The following AP3S2 variants were observed in gnomAD, a reference collection of about 807,000 sequenced individuals.
The protein encoded by AP3S2 is adaptor related protein complex 3 subunit sigma 2, also known as AP-3 complex subunit sigma-2.
Under a neutral mutation model 23.4 loss-of-function variants are expected in AP3S2, and 22 were observed. That is an observed-to-expected ratio of 0.94 (90% confidence interval 0.67 to 1.34). AP3S2 has a LOEUF of 1.34. Among genes scored for constraint, AP3S2 ranks in the 40% most tolerant of loss-of-function variants. AP3S2 has a pLI of 0.00. For missense variants in AP3S2, 241 were observed against 236.9 expected (o/e 1.02, Z -0.11); for synonymous variants, 86 against 87.1 (o/e 0.99, Z 0.07).
chr15:89,876,096 A>G (rs1057121812), intron 3 of AP3S2, among the ~76,000 whole-genome samples: 13 of 152,210 alleles, frequency 8.5e-5, no homozygotes, highest in Non-Finnish European at 2.9e-5. Context: ...AAGCAGAGAG[A>G]AGAACGATCA....
chr15:89,861,920 C>A (rs1233206409), intron 4 of AP3S2, among the ~76,000 whole-genome samples: 3 of 152,148 alleles, frequency 2.0e-5, no homozygotes, highest in Non-Finnish European at 4.4e-5. Flanking sequence ...ACTTGAATGA[C>A]AGGCAGTATT....
At chr15:89,893,646 C>T (rs888134309) in intron 1 of AP3S2, 6 of 515,908 alleles carry the variant, frequency 1.2e-5, no homozygotes, top group Non-Finnish European at 1.4e-5. Context: ...CACAAAATGG[C>T]ACAGAAATGC....
chr15:89,871,689 G>T, intron 3 of AP3S2, 143 bp from the exon 4 acceptor site: 1 of 797,268 alleles, frequency 1.3e-6, no homozygotes, highest in Non-Finnish European at 1.9e-6. Context: ...CCTACCTTTT[G>T]TCTCCAGCAT....
chr15:89,854,471 A>G (rs1596197073), intron 4 of AP3S2, among the ~76,000 whole-genome samples: 1 of 40,892 alleles, frequency 2.4e-5, no homozygotes, highest in Non-Finnish European at 4.9e-5. Flanking sequence ...CCCTACTGGG[A>G]AGTGAGGAGC....
chr15:89,851,469 A>G (rs1895652620), intron 4 of AP3S2, among the ~76,000 whole-genome samples: 1 of 152,088 alleles, frequency 6.6e-6, no homozygotes, highest in South Asian at 2.1e-4. Context: ...CTCCTGAGTA[A>G]CTATGATTAC....
chr15:89,878,176 A>G (rs1455478980), intron 3 of AP3S2: 1 of 587,874 alleles, frequency 1.7e-6, no homozygotes, highest in African/African-American at 1.9e-5. Flanking sequence ...AATCCAGCAC[A>G]AATAAGCTGG....
At chr15:89,878,511 G>C (rs573370015) in intron 3 of AP3S2, among the ~76,000 whole-genome samples, 83 of 152,224 alleles carry the variant, frequency 5.5e-4, no homozygotes, top group Middle Eastern at 3.4e-3. Context: ...TGAAAACAAT[G>C]AATTTGCATT....
intron 3 of AP3S2, chr15:89,877,231 C>G: frequency 1.1e-6 from 1 of 939,052 alleles, no homozygotes. Context: ...ATCACAGACC[C>G]ACACATAAAG....
At chr15:89,868,858 G>A (rs1417936001) in intron 4 of AP3S2, among the ~76,000 whole-genome samples, 4 of 141,268 alleles carry the variant, frequency 2.8e-5, no homozygotes, top group African/African-American at 8.3e-5. Context: ...TGCCCCGTCC[G>A]GGAGGTGAGG....
chr15:89,845,039 G>A (rs1895452387), intron 4 of AP3S2, among the ~76,000 whole-genome samples: 1 of 151,958 alleles, frequency 6.6e-6, no homozygotes, highest in Non-Finnish European at 1.5e-5. Context: ...CTGAGTAGCT[G>A]GGACTACAGG....
chr15:89,881,238 G>A lies in AP3S2; in HGVS notation c.273+7283C>T, dbSNP rs1197154691. Among the ~76,000 whole-genome samples, 4 of 152,288 alleles carry A rather than the reference G, an allele frequency of 2.6e-5. No homozygotes were observed. The East Asian group carries it at 5.8e-4, about 22-fold the overall frequency. ...GGTGAGGGGAGAGAGAGGCAAAGGA[G>A]CCGGACCATGTTGGGCCTTACAGGC... On this transcript the variant is annotated intron_variant, in intron 3 of 5. Transcript: ENST00000336418.
At chr15:89,858,673 A>T (rs993243967) in intron 4 of AP3S2, among the ~76,000 whole-genome samples, 3 of 152,228 alleles carry the variant, frequency 2.0e-5, no homozygotes, top group African/African-American at 7.2e-5. Flanking sequence ...GTGCCTATAA[A>T]TCAGCAACCA....
At chr15:89,872,127 AAAG>A (rs1449570885) in intron 3 of AP3S2, among the ~76,000 whole-genome samples, 2 of 151,676 alleles carry the variant, frequency 1.3e-5, no homozygotes, top group East Asian at 3.8e-4. Flanking sequence ...AAAAAAAAAA[AAAG>A]AAAAAAGAAA....
intron 4 of AP3S2, among the ~76,000 whole-genome samples, chr15:89,870,281 G>A (rs904261998): frequency 2.6e-5 from 4 of 152,252 alleles, no homozygotes; most frequent in East Asian, 3.9e-4. Context: ...CTAAGAGATC[G>A]CTGAAGTTTC....
chr15:89,856,528 G>A (rs1449718658), intron 4 of AP3S2, among the ~76,000 whole-genome samples: 5 of 151,890 alleles, frequency 3.3e-5, no homozygotes, highest in African/African-American at 4.8e-5. Flanking sequence ...GTGCAACCCC[G>A]TCTCTACTAA....
At chr15:89,886,498 G>C (rs1896705360) in intron 3 of AP3S2, 1 of 151,186 alleles carries the variant, frequency 6.6e-6, no homozygotes, top group African/African-American at 2.4e-5. Flanking sequence ...AATATGGAAT[G>C]CTTCACCAAT....
At chr15:89,856,701 C>CAAAAA (rs34735772) in intron 4 of AP3S2, among the ~76,000 whole-genome samples, 1 of 75,110 alleles carries the variant, frequency 1.3e-5, no homozygotes, top group Non-Finnish European at 2.5e-5. Flanking sequence ...GACTCCATCT[C>CAAAAA]AAAAAAAAAA....
chr15:89,866,309 C>T (rs1368120072), intron 4 of AP3S2, among the ~76,000 whole-genome samples: 1 of 148,044 alleles, frequency 6.8e-6, no homozygotes, highest in Non-Finnish European at 1.5e-5. Context: ...CTCCACGTTG[C>T]CTAGACAATG....
intron 4 of AP3S2, among the ~76,000 whole-genome samples, chr15:89,868,477 G>A (rs1896217350): frequency 3.2e-5 from 3 of 94,074 alleles, no homozygotes; most frequent in African/African-American, 8.3e-5. Context: ...GAAGTGAGGA[G>A]CCCCTCTGCC....
Sources: allele counts gnomAD v4.1 joint callset (sites outside exome capture counted in the v4.1 genomes callset), GRCh38; gene constraint gnomAD v4.1.1; transcripts MANE v1.5; gene names NCBI Gene and HGNC (gene_info 2026-07-23, HGNC 2026-07-21).